Variants in ANO4 observed in about 807,000 individuals in gnomAD.
ANO4 encodes anoctamin 4, also known as anoctamin-4.
ANO4 carries 69 observed loss-of-function variants against 141.9 expected under a neutral mutation model. The ratio of observed to expected loss-of-function variants is 0.49; its 90% confidence interval spans 0.40 to 0.59. The LOEUF (loss-of-function observed/expected upper bound fraction) is 0.59. ANO4 is among the 20% of genes least tolerant of loss of function. ANO4 has a pLI of 0.00. For missense variants in ANO4, 894 were observed against 1,162.2 expected, an observed-to-expected ratio of 0.77 and a Z score of 3.36; for synonymous variants, 350 against 394.3, an observed-to-expected ratio of 0.89 and a Z score of 1.33.
At chr12:100,882,947 C>G (rs138299510) in intron 1 of ANO4, among the ~76,000 whole-genome samples, 13 of 152,080 alleles carry the variant, frequency 8.5e-5, no homozygotes, top group African/African-American at 2.7e-4. Flanking sequence ...GTGATCTGTC[C>G]GTCTTGGCCT....
At chr12:100,822,494 G>A (rs1454896342) in intron 1 of ANO4, among the ~76,000 whole-genome samples, 1 of 152,000 alleles carries the variant, frequency 6.6e-6, no homozygotes, top group East Asian at 1.9e-4. Flanking sequence ...CAGAGTGTGA[G>A]AAAGATGGTG....
intron 1 of ANO4, among the ~76,000 whole-genome samples, chr12:100,838,007 A>G (rs1390866167): frequency 6.6e-6 from 1 of 152,088 alleles, no homozygotes; most frequent in Admixed American, 6.6e-5. Flanking sequence ...ACTATTCAAT[A>G]TTCCACAGGC....
rs1293201344 is a variant in ANO4 at position 100,946,979 on chromosome 12, A to G, written c.456+4444A>G. On this transcript the variant is annotated intron_variant, in intron 5 of 27. Coordinates refer to ENST00000392977, the MANE Select transcript of ANO4 (RefSeq NM_001286615.2). ...TAATTATTGGATTTAGCAATATGGC[A>G]GGTTTGGGTGGTCTGGGCAAGAGAA... 2.6e-5 allele frequency among the ~76,000 whole-genome samples: 4 copies of G among 152,190 alleles called. No individual in the cohort carries two copies. In the South Asian group the frequency reaches 8.3e-4, roughly 32 times the overall value.
At chr12:100,770,443 G>T (rs1375579003) in intron 3 of ANO4, among the ~76,000 whole-genome samples, 1 of 152,108 alleles carries the variant, frequency 6.6e-6, no homozygotes, top group Non-Finnish European at 1.5e-5. Flanking sequence ...AGCTATATTG[G>T]CTATCTTATC....
At chr12:101,115,125 A>G (rs2050803895) in intron 24 of ANO4, among the ~76,000 whole-genome samples, 1 of 152,216 alleles carries the variant, frequency 6.6e-6, no homozygotes, top group Non-Finnish European at 1.5e-5. Flanking sequence ...TATTCATTCA[A>G]TCAGTAATTA....
chr12:101,127,204 C>A (rs892650377), intron 27 of ANO4, 130 bp downstream of exon 27: 2 of 973,048 alleles, frequency 2.1e-6, no homozygotes, highest in Non-Finnish European at 3.0e-6. Context: ...GCTTCCCAAT[C>A]CAAAAGAAGC....
intron 1 of ANO4, 22 bp from the exon 2 acceptor site, chr12:100,901,624 A>G (rs1392231971): frequency 5.4e-6 from 4 of 745,596 alleles, no homozygotes; most frequent in South Asian, 1.5e-5. Context: ...CTTCAGTCTA[A>G]TGGTGCCATT....
At chr12:100,908,057 C>T (rs781695616) in intron 2 of ANO4, among the ~76,000 whole-genome samples, 9 of 152,244 alleles carry the variant, frequency 5.9e-5, no homozygotes, top group Non-Finnish European at 1.2e-4. Flanking sequence ...TCTCTTCCCT[C>T]ACCTTAAAAA....
intron 5 of ANO4, among the ~76,000 whole-genome samples, chr12:100,952,598 C>T (rs1381193076): frequency 6.6e-6 from 1 of 152,178 alleles, no homozygotes; most frequent in African/African-American, 2.4e-5. Context: ...AGTCCCACCT[C>T]ATCACCAGGA....
At chr12:100,810,513 A>C (rs535588069) in intron 1 of ANO4, among the ~76,000 whole-genome samples, 2 of 152,170 alleles carry the variant, frequency 1.3e-5, no homozygotes, top group South Asian at 2.1e-4. Context: ...TGCTGTGTGG[A>C]GAATAGAGGG....
chr12:100,850,137 TAAATA>T (rs1474300623), intron 1 of ANO4, among the ~76,000 whole-genome samples: 7 of 152,178 alleles, frequency 4.6e-5, no homozygotes, highest in South Asian at 2.1e-4. Flanking sequence ...ATTTAGTTAA[TAAATA>T]AAATAATAAA....
In ANO4 at chr12:101,056,459, C is replaced by T. The variant is rs781702732; in HGVS notation, c.1312+8058C>T. On this transcript the variant is annotated intron_variant, in intron 14 of 27. Coordinates refer to ENST00000392977, the MANE Select transcript of ANO4 (RefSeq NM_001286615.2). ...TATTGACCATATATCTTGTGACTTA[C>T]TAAACTCAGTTATTAGTGCTTCTAG... Among the ~76,000 whole-genome samples, 41 of 152,216 alleles carry T rather than the reference C, an allele frequency of 2.7e-4. No individual in the cohort carries two copies. In the South Asian group the frequency reaches 4.4e-3, roughly 16 times the overall value.
At chr12:100,896,247 C>G (rs2040346917) in intron 1 of ANO4, among the ~76,000 whole-genome samples, 1 of 152,082 alleles carries the variant, frequency 6.6e-6, no homozygotes, top group African/African-American at 2.4e-5. Flanking sequence ...AGATTATCCT[C>G]CATTATCCAG....
At chr12:100,831,958 T>C (rs1406427922) in intron 1 of ANO4, among the ~76,000 whole-genome samples, 1 of 152,132 alleles carries the variant, frequency 6.6e-6, no homozygotes, top group African/African-American at 2.4e-5. Context: ...TTGAGAAGTA[T>C]AAATGTAGCG....
chr12:100,832,770 T>C (rs2036695928), intron 1 of ANO4, among the ~76,000 whole-genome samples: 3 of 152,142 alleles, frequency 2.0e-5, no homozygotes, highest in African/African-American at 7.2e-5. Context: ...CTGAACACAA[T>C]GGAAAGGAAC....
intron 3 of ANO4, among the ~76,000 whole-genome samples, chr12:100,776,394 G>C (rs143458719): frequency 2.2e-3 from 339 of 152,252 alleles, no homozygotes; most frequent in African/African-American, 7.7e-3. Context: ...TAATGGTTTG[G>C]TTCATAACCA....
intron 5 of ANO4, among the ~76,000 whole-genome samples, chr12:100,954,148 C>G (rs1191131986): frequency 6.6e-6 from 1 of 152,204 alleles, no homozygotes; most frequent in African/African-American, 2.4e-5. Context: ...TTATAATTGC[C>G]TAGCCCCTCT....
At chr12:100,749,394 A>G (rs1198590630) in intron 3 of ANO4, among the ~76,000 whole-genome samples, 1 of 152,232 alleles carries the variant, frequency 6.6e-6, no homozygotes, top group Admixed American at 6.5e-5. Context: ...GGAAATGTTC[A>G]TTTTGACAAG....
At chr12:101,055,676 A>C (rs78724571) in intron 14 of ANO4, among the ~76,000 whole-genome samples, 5 of 151,506 alleles carry the variant, frequency 3.3e-5, no homozygotes, top group African/African-American at 9.7e-5. Context: ...TTTTCTTTTT[A>C]TATAGTCTAA....
Sources: allele counts gnomAD v4.1 joint callset (sites outside exome capture counted in the v4.1 genomes callset), GRCh38; gene constraint gnomAD v4.1.1; transcripts MANE v1.5; gene names NCBI Gene and HGNC (gene_info 2026-07-23, HGNC 2026-07-21).